LRFN5: variants seen among roughly 807,000 people sequenced by gnomAD.
LRFN5 encodes leucine rich repeat and fibronectin type III domain containing 5.
LRFN5 carries 24 observed loss-of-function variants against 45.6 expected under a neutral mutation model. The ratio of observed to expected loss-of-function variants is 0.53; its 90% confidence interval spans 0.38 to 0.74. LRFN5 has a LOEUF of 0.74. Among genes scored for constraint, LRFN5 ranks in the 30% least tolerant of loss-of-function variants. The pLI is 0.00. For synonymous variants in LRFN5, 340 were observed against 313.8 expected (o/e 1.08, Z -0.88); for missense variants, 776 against 861.5 (o/e 0.90, Z 1.24).
intron 1 of LRFN5, among the ~76,000 whole-genome samples, chr14:41,655,668 G>A (rs1880346203): frequency 6.6e-6 from 1 of 152,006 alleles, no homozygotes; most frequent in African/African-American, 2.4e-5. Context: ...GGAAAAAACA[G>A]AGGAGTTTGG....
intron 2 of LRFN5, among the ~76,000 whole-genome samples, chr14:41,775,463 A>T (rs1202184305): frequency 2.0e-5 from 3 of 152,198 alleles, no homozygotes; most frequent in South Asian, 2.1e-4. Flanking sequence ...ATCCATAATA[A>T]GAATCTGGCT....
At chr14:41,736,027 C>A (rs1263905121) in intron 1 of LRFN5, among the ~76,000 whole-genome samples, 3 of 151,954 alleles carry the variant, frequency 2.0e-5, no homozygotes, top group African/African-American at 7.3e-5. Flanking sequence ...TGGGTTGGTT[C>A]CAAGTCTTTG....
intron 2 of LRFN5, among the ~76,000 whole-genome samples, chr14:41,831,580 CTAGT>C (rs1397086496): frequency 3.9e-5 from 6 of 152,066 alleles, no homozygotes; most frequent in African/African-American, 7.2e-5. Context: ...TTGGTACATG[CTAGT>C]TAGAGTAAAA....
chr14:41,793,409 C>G (rs761677295), intron 2 of LRFN5, among the ~76,000 whole-genome samples: 5 of 152,042 alleles, frequency 3.3e-5, no homozygotes, highest in Admixed American at 6.6e-5. Context: ...TGAAATAGTT[C>G]TTTTCCAGTA....
chr14:41,752,131 A>G (rs541179095), intron 1 of LRFN5, among the ~76,000 whole-genome samples: 2 of 152,168 alleles, frequency 1.3e-5, no homozygotes, highest in Non-Finnish European at 2.9e-5. Context: ...TCCATAGTGT[A>G]TATGTGCCAC....
chr14:41,775,723 T>C (rs1886266245), intron 2 of LRFN5, among the ~76,000 whole-genome samples: 1 of 152,170 alleles, frequency 6.6e-6, no homozygotes, highest in African/African-American at 2.4e-5. Context: ...AGTGACAGAA[T>C]TATAGGGTAA....
intron 1 of LRFN5, among the ~76,000 whole-genome samples, chr14:41,692,208 A>G (rs1882407096): frequency 6.6e-6 from 1 of 152,024 alleles, no homozygotes. Context: ...CAAAAGTGTT[A>G]TTTGCTCCAC....
chr14:41,661,732 A>G (rs984730361), intron 1 of LRFN5, among the ~76,000 whole-genome samples: 1 of 152,030 alleles, frequency 6.6e-6, no homozygotes, highest in Non-Finnish European at 1.5e-5. Context: ...CCTTTAGGAA[A>G]AACATCCCAG....
rs73316915 is a variant in LRFN5 at position 41,777,472 on chromosome 14, C to T, written c.-21+10443C>T. Among the ~76,000 whole-genome samples, 1,059 of 151,796 alleles carry T rather than the reference C, an allele frequency of 7.0e-3. 15 individuals are homozygous for T. Among genetic ancestry groups the T allele is most frequent in the African/African-American group, 0.024 (983 of 41,490 alleles). ...ACATTTTTACATTGATTTGTCTGAG[C>T]AGTAACATTGCTTTTTATCATTATC... On this transcript the variant is annotated intron_variant, in intron 2 of 5. Transcript: ENST00000298119.
At chr14:41,644,147 T>G (rs1291183364) in intron 1 of LRFN5, among the ~76,000 whole-genome samples, 1 of 152,230 alleles carries the variant, frequency 6.6e-6, no homozygotes, top group African/African-American at 2.4e-5. Context: ...TGCAAACACT[T>G]GAGGGTTTTA....
chr14:41,737,841 T>G (rs945398240), intron 1 of LRFN5, among the ~76,000 whole-genome samples: 1 of 151,348 alleles, frequency 6.6e-6, no homozygotes, highest in African/African-American at 2.4e-5. Flanking sequence ...CTCAGTAAAA[T>G]AAGAGAGGGC....
intron 3 of LRFN5, among the ~76,000 whole-genome samples, chr14:41,890,448 C>T (rs1476030257): frequency 6.6e-6 from 1 of 152,018 alleles, no homozygotes; most frequent in Non-Finnish European, 1.5e-5. Context: ...TGGCTCACGC[C>T]TGTAATCCCA....
At chr14:41,892,710 G>C in intron 4 of LRFN5, 1 of 985,246 alleles carries the variant, frequency 1.0e-6, no homozygotes, top group Non-Finnish European at 1.2e-6. Flanking sequence ...CCTTGGTGCA[G>C]GTGCCTTAAT....
intron 1 of LRFN5, among the ~76,000 whole-genome samples, chr14:41,725,525 A>G (rs1883894108): frequency 6.6e-6 from 1 of 151,088 alleles, no homozygotes; most frequent in Non-Finnish European, 1.5e-5. Flanking sequence ...GAAAACTATA[A>G]GCCAGAAGTC....
chr14:41,709,080 G>A (rs992105595), intron 1 of LRFN5, among the ~76,000 whole-genome samples: 7 of 144,002 alleles, frequency 4.9e-5, no homozygotes, highest in African/African-American at 1.5e-4. Context: ...AGTAAAACTC[G>A]TACCAACTGT....
At chr14:41,704,436 C>CTGTGTGTGTGTG (rs1430752309) in intron 1 of LRFN5, among the ~76,000 whole-genome samples, 1,934 of 89,392 alleles carry the variant, frequency 0.022, 60 homozygotes, top group African/African-American at 0.06. Context: ...CTCTCTCTCT[C>CTGTGTGTGTGTG]TCTCTCTCTC....
intron 2 of LRFN5, among the ~76,000 whole-genome samples, chr14:41,880,114 A>G (rs1037740741): frequency 1.3e-5 from 2 of 151,026 alleles, no homozygotes; most frequent in Admixed American, 1.3e-4. Flanking sequence ...TTTTTAGTAG[A>G]GATGGGGTTT....
chr14:41,641,149 C>G (rs188524726), intron 1 of LRFN5, among the ~76,000 whole-genome samples: 3 of 152,178 alleles, frequency 2.0e-5, no homozygotes, highest in African/African-American at 7.2e-5. Flanking sequence ...AGCACAGTAA[C>G]TTGAGACATA....
intron 2 of LRFN5, among the ~76,000 whole-genome samples, chr14:41,869,440 T>TAAA (rs374451245): frequency 4.6e-5 from 7 of 151,300 alleles, no homozygotes; most frequent in African/African-American, 1.7e-4. Flanking sequence ...TTTTTTTTTT[T>TAAA]AAAAAAAGGT....
Sources: allele counts gnomAD v4.1 joint callset (sites outside exome capture counted in the v4.1 genomes callset), GRCh38; gene constraint gnomAD v4.1.1; transcripts MANE v1.5; gene names NCBI Gene and HGNC (gene_info 2026-07-23, HGNC 2026-07-21).